The following SERPINE2 variants were observed in gnomAD, a reference collection of about 807,000 sequenced individuals.
The protein encoded by SERPINE2 is glia-derived nexin.
SERPINE2 carries 14 observed loss-of-function variants against 36.3 expected under a neutral mutation model. That is an observed-to-expected ratio of 0.39 (90% CI 0.25 to 0.60). The LOEUF (loss-of-function observed/expected upper bound fraction) is 0.60. Among genes scored for constraint, SERPINE2 ranks in the 20% least tolerant of loss-of-function variants. SERPINE2 has a pLI of 0.57. For missense variants in SERPINE2, 418 were observed against 499.6 expected (o/e 0.84, Z 1.56); for synonymous variants, 192 against 191.8 (o/e 1.00, Z -0.01).
intron 2 of SERPINE2, among the ~76,000 whole-genome samples, chr2:224,001,367 G>A (rs931830090): frequency 3.3e-5 from 5 of 152,170 alleles, no homozygotes; most frequent in South Asian, 4.1e-4. Context: ...TGTCCCCCTC[G>A]CTGGAACGAG....
intron 1 of SERPINE2, chr2:224,031,478 T>C (rs904684240): frequency 3.0e-6 from 3 of 985,502 alleles, no homozygotes; most frequent in Non-Finnish European, 3.6e-6. Flanking sequence ...AACCAAGGAT[T>C]GACCATGTGA....
chr2:224,026,220 C>T (rs925586101), intron 1 of SERPINE2, among the ~76,000 whole-genome samples: 29 of 152,324 alleles, frequency 1.9e-4, no homozygotes, highest in South Asian at 2.1e-4. Context: ...CACATAAACA[C>T]GCCCACTTCG....
chr2:223,987,000 G>C (rs548019010), intron 4 of SERPINE2, among the ~76,000 whole-genome samples: 152 of 152,264 alleles, frequency 1.0e-3, no homozygotes, highest in African/African-American at 3.5e-3. Flanking sequence ...GGTCACTCAA[G>C]TACTGCATCC....
intron 1 of SERPINE2, among the ~76,000 whole-genome samples, chr2:224,005,982 A>G (rs7605903): frequency 0.067 from 10,214 of 152,182 alleles, 488 homozygotes; most frequent in South Asian, 0.11. Flanking sequence ...CCTTTCCAAT[A>G]CGGGGAATGT....
At chr2:224,028,675 G>C (rs998182221) in intron 1 of SERPINE2, among the ~76,000 whole-genome samples, 1 of 152,086 alleles carries the variant, frequency 6.6e-6, no homozygotes, top group Non-Finnish European at 1.5e-5. Flanking sequence ...ACCTTACAAG[G>C]GTTGTTAGGA....
At chr2:223,985,270 G>T (rs1574813211) in intron 4 of SERPINE2, among the ~76,000 whole-genome samples, 1 of 147,486 alleles carries the variant, frequency 6.8e-6, no homozygotes, top group Non-Finnish European at 1.5e-5. Flanking sequence ...ATGAATAAAA[G>T]AATACATTCA....
At chr2:223,991,761 G>T in intron 4 of SERPINE2, 42 bp downstream of exon 4, 2 of 1,599,696 alleles carry the variant, frequency 1.3e-6, no homozygotes, top group Non-Finnish European at 1.7e-6. Flanking sequence ...CCTTTCTGCC[G>T]CCAGCACATC....
At chr2:223,980,807 G>C (rs1690201810) in intron 6 of SERPINE2, 1 of 182,434 alleles carries the variant, frequency 5.5e-6, no homozygotes, top group Non-Finnish European at 1.2e-5. Flanking sequence ...TACAGATGGG[G>C]AAACTGAGGC....
chr2:224,036,582 T>G (rs1037710723), intron 1 of SERPINE2, among the ~76,000 whole-genome samples: 7 of 150,120 alleles, frequency 4.7e-5, no homozygotes, highest in African/African-American at 9.9e-5. Context: ...TGTATACCTA[T>G]GTAACAAACC....
rs1405331527 is a variant in SERPINE2 at position 223,998,335 on chromosome 2, A to G, written c.267T>C (p.Gly89=). 6.2e-7 allele frequency: 1 copy of G among 1,609,998 alleles called. No homozygotes were observed. The highest frequency in any genetic ancestry group is 1.3e-5 in the African/African-American group (1 of 74,786). The change falls in exon 3 of 9, where the codon GGT becomes GGC. Residue 89 remains glycine, a synonymous_variant. Coordinates refer to ENST00000409304, the MANE Select transcript of SERPINE2 (RefSeq NM_001136528.2). The part of the protein sequence containing the change: ...MVMRYGVNGV[G]KILKKINKAI... ...CCTTGTTGATCTTCTTTAATATTTT[A>G]CCAACTCCTAAAAGAGAAATCAGAA... is the stretch of plus-strand genomic sequence containing the variant.
At chr2:224,009,469 C>T in intron 1 of SERPINE2, among the ~76,000 whole-genome samples, 1 of 152,136 alleles carries the variant, frequency 6.6e-6, no homozygotes, top group East Asian at 1.9e-4. Flanking sequence ...CCGAGGTGGG[C>T]AGAGTGCTTG....
intron 4 of SERPINE2, among the ~76,000 whole-genome samples, chr2:223,985,549 G>T (rs776439441): frequency 1.3e-5 from 2 of 152,114 alleles, no homozygotes; most frequent in Admixed American, 6.5e-5. Flanking sequence ...ACATGTGCAG[G>T]TGAAGAGAGA....
rs1293756833 is a variant in SERPINE2, at chr2:223,975,279, GT to G, written c.*587del. On this transcript the variant is annotated 3_prime_UTR_variant, in exon 9 of 9. Transcript: ENST00000409304. ...AGCAACCTTGTCTAGCAAGACAGGA[GT>G]TTTTTAAATTTTATTTTAGTGAATA... 1 of 152,520 alleles carries G rather than the reference GT, an allele frequency of 6.6e-6. No individual in the cohort carries two copies. Among genetic ancestry groups the G allele is most frequent in the East Asian group, 1.9e-4 (1 of 5,188 alleles). 9.4% of individuals were successfully genotyped at this position (152,520 alleles called of 1,614,324 possible).
chr2:223,998,417 A>G (rs1690981423), intron 2 of SERPINE2, 75 bp from the exon 3 acceptor site: 3 of 1,189,362 alleles, frequency 2.5e-6, no homozygotes, highest in Admixed American at 3.7e-5. Context: ...TTTATGTTGC[A>G]GCAAGTAAGA....
rs1481436834 is a variant in SERPINE2 at position 223,975,112 on chromosome 2, TCA to T, written c.*753_*754del. On this transcript the variant is annotated 3_prime_UTR_variant, in exon 9 of 9. Coordinates refer to ENST00000409304, the MANE Select transcript of SERPINE2 (RefSeq NM_001136528.2). ...AGAGGCTGACGAATGTCTAAAAGGC[TCA>T]GTTTCTTCTATTGTATTTTCAAATA... 6.6e-6 allele frequency: 1 copy of T among 152,306 alleles called. No homozygotes were observed. The highest frequency in any genetic ancestry group is 1.9e-4 in the East Asian group (1 of 5,198). 9.4% of individuals were successfully genotyped at this position (152,306 alleles called of 1,614,324 possible).
At chr2:224,016,536 T>C (rs1691806455) in intron 1 of SERPINE2, among the ~76,000 whole-genome samples, 1 of 152,022 alleles carries the variant, frequency 6.6e-6, no homozygotes, top group Admixed American at 6.6e-5. Context: ...TTTGGTAGTT[T>C]CTGTTTATTA....
rs771174822 is a variant in SERPINE2, at chr2:224,001,858, G to A, written c.43C>T (p.Leu15=). The change falls in exon 2 of 9, where the codon CTG becomes TTG. Residue 15 remains leucine (L), a synonymous_variant. Coordinates refer to ENST00000409304, the MANE Select transcript of SERPINE2 (RefSeq NM_001136528.2). The part of the protein sequence containing the change: ...LPLFLLASVT[L]PSICSHFNPL... Reference sequence around the variant, plus strand: ...TTGAAGTGGGAGCAGATGGAAGGCAGCGTCACAGAGGCCAAGAGGAAGAGG... The same window carrying A: ...TTGAAGTGGGAGCAGATGGAAGGCAACGTCACAGAGGCCAAGAGGAAGAGG... 1 of 1,614,134 alleles carries A rather than the reference G, an allele frequency of 6.2e-7. No homozygotes were observed. Among genetic ancestry groups the A allele is most frequent in the Admixed American group, 1.7e-5 (1 of 60,026 alleles).
intron 7 of SERPINE2, chr2:223,979,891 G>C (rs911735632): frequency 1.3e-5 from 2 of 153,726 alleles, no homozygotes; most frequent in African/African-American, 4.8e-5. Context: ...CTCAAGGCAA[G>C]TCTACCAGGA....
chr2:224,021,051 C>T (rs967113724), intron 1 of SERPINE2, among the ~76,000 whole-genome samples: 2 of 152,122 alleles, frequency 1.3e-5, no homozygotes, highest in Non-Finnish European at 2.9e-5. Flanking sequence ...AGAAAATTTC[C>T]AAAATAACAG....
Sources: allele counts gnomAD v4.1 joint callset (sites outside exome capture counted in the v4.1 genomes callset), GRCh38; gene constraint gnomAD v4.1.1; transcripts MANE v1.5; gene names NCBI Gene and HGNC (gene_info 2026-07-23, HGNC 2026-07-21).